CUBN: variants seen among roughly 807,000 people sequenced by gnomAD.
The protein encoded by CUBN is cubilin, also known as 460 kDa receptor.
CUBN carries 282 observed loss-of-function variants against 405.3 expected under a neutral mutation model. The ratio of observed to expected loss-of-function variants is 0.70; its 90% confidence interval spans 0.63 to 0.77. CUBN has a LOEUF of 0.77. CUBN is among the 30% of genes least tolerant of loss of function. CUBN has a pLI of 0.00. For synonymous variants in CUBN, 1,684 were observed against 1,617.0 expected, an observed-to-expected ratio of 1.04 and a Z score of -0.99; for missense variants, 4,514 against 4,475.2, an observed-to-expected ratio of 1.01 and a Z score of -0.25.
intron 36 of CUBN, among the ~76,000 whole-genome samples, chr10:16,944,961 T>G (rs1276409316): frequency 6.6e-6 from 1 of 152,218 alleles, no homozygotes; most frequent in Admixed American, 6.5e-5. Context: ...AAATTTGACA[T>G]CTTCTTTAAC....
At chr10:17,122,358 G>A (rs981148199) in intron 6 of CUBN, 1 of 286,980 alleles carries the variant, frequency 3.5e-6, no homozygotes, top group African/African-American at 2.2e-5. Context: ...ATTGAATAAA[G>A]CTCTCTTTAC....
intron 54 of CUBN, 116 bp from the exon 55 acceptor site, chr10:16,890,643 A>G (rs925496455): frequency 2.0e-6 from 2 of 1,008,574 alleles, no homozygotes; most frequent in Admixed American, 1.7e-5. Context: ...ATAAGAGTAA[A>G]CAAAACATGG....
Position 16,825,024 on chromosome 10 carries a change from G to C in CUBN, c.10823C>G (p.Ala3608Gly). 6.2e-7 allele frequency: 1 copy of C among 1,613,904 alleles called. No homozygotes were observed. Among genetic ancestry groups the C allele is most frequent in the Non-Finnish European group, 8.5e-7 (1 of 1,179,960 alleles). ...TGCGGATGGACGCCGTGCATAATCAGCATGAAATTTTATGAAGACCTGATT... is the reference window on the plus strand; with the variant it reads ...TGCGGATGGACGCCGTGCATAATCACCATGAAATTTTATGAAGACCTGATT... ...SSNQVFIKFH[A>G]DYARRPSAFR... The change falls in exon 67 of 67, where the codon GCT becomes GGT. Residue 3608 changes from alanine (A) to glycine (G), a missense_variant. Physicochemically the swap from Ala to Gly is moderately conservative, Grantham distance 60. Transcript: ENST00000377833.
chr10:17,104,457 C>T lies in CUBN; in HGVS notation c.1379G>A (p.Arg460His), dbSNP rs376051685. 1.1e-5 allele frequency: 18 copies of T among 1,613,962 alleles called. No homozygotes were observed. In the African/African-American group the frequency reaches 1.5e-4, roughly 13 times the overall value. Residue 460 changes from arginine to histidine, a missense_variant, in exon 12 of 67, where the codon CGT (arginine) becomes CAT (histidine). Transcript: ENST00000377833. Reference protein sequence around the residue: ...GVDSFSCECTRLWTGALCQVP... With the variant: ...GVDSFSCECTHLWTGALCQVP... ...CTGACAGAGAGCTCCAGTCCAGAGA[C>T]GTGTGCATTCACAACTGAAAGAATC...
chr10:16,856,074 C>A (rs555426876), intron 59 of CUBN, among the ~76,000 whole-genome samples: 1 of 152,106 alleles, frequency 6.6e-6, no homozygotes, highest in South Asian at 2.1e-4. Context: ...TAAACAAGGG[C>A]GACCTCTGTG....
At chr10:16,976,298 G>A (rs1833092455) in intron 31 of CUBN, among the ~76,000 whole-genome samples, 1 of 152,058 alleles carries the variant, frequency 6.6e-6, no homozygotes, top group South Asian at 2.1e-4. Flanking sequence ...AGGAATTTTA[G>A]GAGAGCATAG....
intron 60 of CUBN, 92 bp from the exon 61 acceptor site, chr10:16,841,139 G>T: frequency 9.5e-7 from 1 of 1,055,808 alleles, no homozygotes; most frequent in Non-Finnish European, 1.4e-6. Context: ...ATAGGTCACG[G>T]TAAACATTTT....
At chr10:16,848,212 CA>C (rs1247639396) in intron 60 of CUBN, among the ~76,000 whole-genome samples, 2 of 152,202 alleles carry the variant, frequency 1.3e-5, no homozygotes, top group Non-Finnish European at 2.9e-5. Flanking sequence ...TATCAAATCA[CA>C]CTCCATAAAA....
chr10:17,124,574 G>A (rs372005407), intron 4 of CUBN, among the ~76,000 whole-genome samples: 23 of 150,492 alleles, frequency 1.5e-4, no homozygotes, highest in African/African-American at 2.4e-4. Context: ...GACTACAGGC[G>A]CCCGCCACCA....
chr10:16,947,481 T>A (rs1842818950), intron 35 of CUBN, 114 bp from the exon 36 acceptor site: 4 of 1,135,148 alleles, frequency 3.5e-6, no homozygotes, highest in Admixed American at 1.9e-5. Flanking sequence ...AGATAGTATT[T>A]CCATCTCACA....
intron 55 of CUBN, among the ~76,000 whole-genome samples, chr10:16,889,340 G>A (rs1840922331): frequency 1.3e-5 from 2 of 152,120 alleles, no homozygotes; most frequent in South Asian, 2.1e-4. Context: ...TGAAAAACCT[G>A]TCTACTGTAT....
At chr10:17,069,412 T>C (rs1359498902) in intron 19 of CUBN, among the ~76,000 whole-genome samples, 2 of 152,178 alleles carry the variant, frequency 1.3e-5, no homozygotes, top group African/African-American at 4.8e-5. Context: ...CTGCCAACTG[T>C]TTTTCAAGGT....
chr10:17,000,891 T>A (rs1400683715), intron 28 of CUBN, among the ~76,000 whole-genome samples: 1 of 152,228 alleles, frequency 6.6e-6, no homozygotes, highest in Non-Finnish European at 1.5e-5. Context: ...TCGGAATTGG[T>A]TTCTTCCGGT....
chr10:17,012,006 A>T (rs1834199487), intron 28 of CUBN, among the ~76,000 whole-genome samples: 1 of 152,128 alleles, frequency 6.6e-6, no homozygotes, highest in African/African-American at 2.4e-5. Flanking sequence ...TTCCCGCTGG[A>T]TAGGGGCAAA....
At chr10:16,909,065 T>G (rs1193815843) in intron 48 of CUBN, among the ~76,000 whole-genome samples, 1 of 151,284 alleles carries the variant, frequency 6.6e-6, no homozygotes. Flanking sequence ...TTTTGTATTT[T>G]TAGTAGAGAC....
intron 60 of CUBN, 29 bp downstream of exon 60, chr10:16,851,206 A>G: frequency 3.2e-6 from 5 of 1,539,588 alleles, no homozygotes; most frequent in Non-Finnish European, 4.5e-6. Flanking sequence ...GGATGAATAG[A>G]CTCTGTTAAA....
At chr10:16,906,877 T>A (rs1271962639) in intron 49 of CUBN, among the ~76,000 whole-genome samples, 2 of 152,224 alleles carry the variant, frequency 1.3e-5, no homozygotes. Flanking sequence ...ACCAATGAAA[T>A]AACTTAGCGT....
At chr10:16,922,616 T>C (rs1274406309) in intron 43 of CUBN, among the ~76,000 whole-genome samples, 1 of 152,204 alleles carries the variant, frequency 6.6e-6, no homozygotes, top group South Asian at 2.1e-4. Flanking sequence ...GCTTCATCAC[T>C]ATTATGTTTA....
intron 56 of CUBN, among the ~76,000 whole-genome samples, chr10:16,877,631 T>G (rs920389065): frequency 4.6e-5 from 7 of 152,218 alleles, no homozygotes; most frequent in African/African-American, 1.7e-4. Flanking sequence ...CATGGAGATA[T>G]CATTAGAAAC....
Sources: gnomAD v4.1 joint callset for allele counts (sites outside exome capture counted in the v4.1 genomes callset) on GRCh38, gnomAD v4.1.1 for gene constraint, MANE v1.5 for transcripts, NCBI Gene and HGNC (gene_info 2026-07-23, HGNC 2026-07-21) for gene names.